Variants in LY75 observed in about 807,000 individuals in gnomAD.
LY75 encodes the protein C-type lectin domain family 13 member B.
In LY75, 185 loss-of-function variants were observed where a neutral mutation model predicts 231.7. The ratio of observed to expected loss-of-function variants is 0.80; its 90% CI spans 0.71 to 0.90. LY75 has a LOEUF of 0.90. Ranked by LOEUF, LY75 falls within the 40% of genes least tolerant of loss-of-function variation. The probability of loss-of-function intolerance (pLI) is 0.00; values close to 1 mark genes in which losing one functional copy is unlikely to be tolerated. For synonymous variants in LY75, 668 were observed against 689.0 expected (o/e 0.97, Z 0.48); for missense variants, 1,947 against 2,050.2 (o/e 0.95, Z 0.97).
intron 11 of LY75, among the ~76,000 whole-genome samples, chr2:159,877,957 TCA>T (rs1260096606): frequency 7.9e-5 from 12 of 152,136 alleles, no homozygotes; most frequent in Non-Finnish European, 1.6e-4. Flanking sequence ...GAAAACACAT[TCA>T]GTTTTGAAAA....
chr2:159,898,795 C>T lies in LY75; in HGVS notation c.359G>A (p.Arg120Gln), dbSNP rs769590663. The stretch of plus-strand genomic sequence containing the variant: ...TCCATCCTTCAGAGCCAGCCGGTAC[C>T]GGGCAGCTCCGTACAGAGAGTGGTG... ...CEHHSLYGAA[R>Q]YRLALKDGHG... The change falls in exon 2 of 35, where the codon CGG becomes CAG. Residue 120 changes from arginine to glutamine, a missense_variant. Coordinates refer to ENST00000263636, the MANE Select transcript of LY75 (RefSeq NM_002349.4). The T allele has an allele frequency of 1.4e-5, 23 of 1,614,224 alleles. No homozygotes were observed. The highest frequency in any genetic ancestry group is 8.8e-5 in the South Asian group (8 of 91,086).
In LY75 at chr2:159,807,142, TG is replaced by T; in HGVS notation, c.4823-3del. 1 of 1,606,012 alleles carries T rather than the reference TG, an allele frequency of 6.2e-7. No individual in the cohort carries two copies. The highest frequency in any genetic ancestry group is 8.5e-7 in the Non-Finnish European group (1 of 1,176,532). On this transcript the variant is annotated splice_region_variant and splice_polypyrimidine_tract_variant and intron_variant, in intron 33 of 34. Coordinates refer to ENST00000263636, the MANE Select transcript of LY75 (RefSeq NM_002349.4). ...CATCTAACCAACTCCAAGACTGGTC[TG>T]AAGAAAGAAATTAAATACAACTATG...
rs1336849695 is a variant in LY75 at position 159,887,019 on chromosome 2, G to C, written c.803-489C>G. ...CCCTCATGAGAATTTCAATCTAGTA[G>C]AAGGAGACAGACATGGATCCCCATA... On this transcript the variant is annotated intron_variant, in intron 4 of 34. Transcript: ENST00000263636. 2.6e-5 allele frequency among the ~76,000 whole-genome samples: 4 copies of C among 151,640 alleles called. No individual in the cohort carries two copies. In the South Asian group the frequency reaches 6.2e-4, roughly 24 times the overall value.
intron 28 of LY75, among the ~76,000 whole-genome samples, chr2:159,830,828 C>T (rs556856088): frequency 5.9e-5 from 9 of 152,162 alleles, no homozygotes; most frequent in South Asian, 2.1e-4. Context: ...GTGATCCACC[C>T]GCCTTGGCCT....
At position 159,840,961 on chromosome 2, in the gene LY75, T is replaced by C. The variant is rs200289894; in HGVS notation, c.3281-6A>G. ...CGTCTGTCTGCTTTTAACTTCTGCA[T>C]GTAAAAGAAAACAACAACAACAACA... On this transcript the variant is annotated splice_polypyrimidine_tract_variant and splice_region_variant and intron_variant, in intron 24 of 34. Transcript: ENST00000263636. 81 of 1,612,094 alleles carry C rather than the reference T, an allele frequency of 5.0e-5. No homozygotes were observed. The highest frequency in any genetic ancestry group is 6.7e-5 in the Non-Finnish European group (79 of 1,179,438).
chr2:159,850,572 G>A, intron 21 of LY75, 105 bp from the exon 22 acceptor site: 1 of 1,450,546 alleles, frequency 6.9e-7, no homozygotes, highest in Non-Finnish European at 9.3e-7. Flanking sequence ...TTCGGTCTGT[G>A]AGATATGGTA....
At chr2:159,888,320 G>C (rs974207642) in intron 4 of LY75, among the ~76,000 whole-genome samples, 4 of 152,152 alleles carry the variant, frequency 2.6e-5, no homozygotes, top group African/African-American at 7.2e-5. Context: ...TGAGGCTATA[G>C]TGTGCTCTGA....
intron 34 of LY75, among the ~76,000 whole-genome samples, chr2:159,806,734 T>C (rs1682804949): frequency 6.6e-6 from 1 of 152,210 alleles, no homozygotes; most frequent in South Asian, 2.1e-4. Context: ...GCAACTTCTG[T>C]TTTTCTTAGG....
chr2:159,870,668 C>A (rs1027537317), intron 13 of LY75, among the ~76,000 whole-genome samples: 17 of 111,510 alleles, frequency 1.5e-4, no homozygotes, highest in Non-Finnish European at 4.1e-5. Flanking sequence ...CCATGCCCAG[C>A]TAATTCTTTT....
chr2:159,819,946 G>C (rs372756314), intron 28 of LY75, 26 bp from the exon 29 acceptor site: 2 of 1,558,002 alleles, frequency 1.3e-6, no homozygotes, highest in Non-Finnish European at 1.7e-6. Context: ...TTTTTCCTAT[G>C]CTTAGAGATT....
chr2:159,831,577 G>T, intron 28 of LY75, 93 bp downstream of exon 28: 2 of 1,340,884 alleles, frequency 1.5e-6, no homozygotes, highest in Non-Finnish European at 1.0e-6. Flanking sequence ...TTCACGTATT[G>T]ATAGACATGT....
chr2:159,821,932 G>A (rs1440157537), intron 28 of LY75, among the ~76,000 whole-genome samples: 1 of 152,198 alleles, frequency 6.6e-6, no homozygotes, highest in Non-Finnish European at 1.5e-5. Context: ...TGAAATGCAA[G>A]GGGTCGGGGA....
At chr2:159,840,491 G>A (rs1351572829) in intron 25 of LY75, among the ~76,000 whole-genome samples, 1 of 152,142 alleles carries the variant, frequency 6.6e-6, no homozygotes, top group Non-Finnish European at 1.5e-5. Context: ...AGGATCGCTT[G>A]AGCCCGGGAG....
intron 3 of LY75, 71 bp from the exon 4 acceptor site, chr2:159,890,448 A>G: frequency 1.3e-6 from 2 of 1,594,134 alleles, no homozygotes; most frequent in Non-Finnish European, 1.7e-6. Flanking sequence ...AATGCTTAGA[A>G]ATACTGCAAG....
chr2:159,874,718 ATATATTTT>A (rs1685187188), intron 12 of LY75, among the ~76,000 whole-genome samples: 1 of 77,494 alleles, frequency 1.3e-5, no homozygotes, highest in African/African-American at 5.7e-5. Flanking sequence ...ATGTAAATAT[ATATATTTT>A]GTAAATATAT....
chr2:159,842,201 G>T (rs779377487), intron 24 of LY75, 44 bp downstream of exon 24: 1 of 1,565,912 alleles, frequency 6.4e-7, no homozygotes, highest in Non-Finnish European at 8.6e-7. Flanking sequence ...ATATATATAT[G>T]TAATAGCATA....
intron 13 of LY75, among the ~76,000 whole-genome samples, chr2:159,866,616 C>T (rs1228472841): frequency 2.6e-5 from 4 of 152,054 alleles, no homozygotes; most frequent in East Asian, 3.9e-4. Flanking sequence ...TCATACTGCC[C>T]GAGTGCTGGA....
intron 25 of LY75, among the ~76,000 whole-genome samples, chr2:159,840,005 CAAAAAA>C: frequency 1.7e-5 from 1 of 58,918 alleles, no homozygotes; most frequent in East Asian, 4.2e-4. Context: ...GAACCTGTCT[CAAAAAA>C]AAAAAAAAGA....
At chr2:159,899,315 C>T (rs7594602) in intron 1 of LY75, among the ~76,000 whole-genome samples, 10,795 of 152,258 alleles carry the variant, frequency 0.071, 1,252 homozygotes, top group African/African-American at 0.24. Flanking sequence ...GCCATAGGAT[C>T]AGGGCAAATC....
Sources: gnomAD v4.1 joint callset for allele counts (sites outside exome capture counted in the v4.1 genomes callset) on GRCh38, gnomAD v4.1.1 for gene constraint, MANE v1.5 for transcripts, NCBI Gene and HGNC (gene_info 2026-07-23, HGNC 2026-07-21) for gene names.